The following WWOX variants were observed in gnomAD, a reference collection of about 807,000 sequenced individuals.
The protein encoded by WWOX is WW domain containing oxidoreductase.
Under a neutral mutation model 46.2 loss-of-function variants are expected in WWOX, and 69 were observed. The ratio of observed to expected loss-of-function variants is 1.49; its 90% CI spans 1.23 to 1.82. The LOEUF (loss-of-function observed/expected upper bound fraction) is 1.82, where lower values mean the gene tolerates loss of function less well. WWOX is among the 40% of genes most tolerant of loss of function. The probability of loss-of-function intolerance (pLI) is 0.00; values close to 1 mark genes in which losing one functional copy is unlikely to be tolerated. For missense variants in WWOX, 919 were observed against 542.6 expected (o/e 1.69, Z -6.89); for synonymous variants, 359 against 202.6 (o/e 1.77, Z -6.56).
chr16:78,859,037 T>A (rs2052649513), intron 8 of WWOX, among the ~76,000 whole-genome samples: 4 of 22,750 alleles, frequency 1.8e-4, no homozygotes, highest in African/African-American at 4.6e-4. Context: ...AATATATATA[T>A]ATATATATAT....
intron 5 of WWOX, among the ~76,000 whole-genome samples, chr16:78,374,449 T>G (rs1427642782): frequency 1.3e-5 from 2 of 151,816 alleles, no homozygotes; most frequent in Non-Finnish European, 2.9e-5. Context: ...CTACTCCAAA[T>G]GACGCACAAA....
intron 8 of WWOX, among the ~76,000 whole-genome samples, chr16:78,631,031 G>A (rs1055487011): frequency 2.6e-5 from 4 of 151,950 alleles, no homozygotes; most frequent in East Asian, 1.9e-4. Flanking sequence ...TATTTATATC[G>A]TGTTTATATT....
chr16:78,862,442 A>G (rs1019006913), intron 8 of WWOX, among the ~76,000 whole-genome samples: 1 of 151,870 alleles, frequency 6.6e-6, no homozygotes, highest in Non-Finnish European at 1.5e-5. Flanking sequence ...TATAATGTAT[A>G]TATATAGTAT....
intron 8 of WWOX, among the ~76,000 whole-genome samples, chr16:78,707,506 G>C (rs781771476): frequency 9.2e-5 from 14 of 152,182 alleles, no homozygotes; most frequent in Admixed American, 7.2e-4. Flanking sequence ...CTTTGGAAAA[G>C]TCTGTGCATC....
At chr16:79,090,871 G>T (rs998090426) in intron 8 of WWOX, among the ~76,000 whole-genome samples, 2 of 152,168 alleles carry the variant, frequency 1.3e-5, no homozygotes, top group African/African-American at 2.4e-5. Context: ...TCAGCTCACT[G>T]CAACCTTTGC....
intron 8 of WWOX, among the ~76,000 whole-genome samples, chr16:78,577,771 T>C (rs2044925481): frequency 6.6e-6 from 1 of 152,186 alleles, no homozygotes; most frequent in Non-Finnish European, 1.5e-5. Flanking sequence ...GGTGCCACTT[T>C]GCGAACGATC....
At chr16:79,022,473 A>T (rs2047553598) in intron 8 of WWOX, among the ~76,000 whole-genome samples, 1 of 150,656 alleles carries the variant, frequency 6.6e-6, no homozygotes, top group Admixed American at 6.6e-5. Flanking sequence ...GTGCCCTTTT[A>T]CAGCCTTTTC....
At chr16:78,364,766 G>A (rs1408561329) in intron 5 of WWOX, among the ~76,000 whole-genome samples, 1 of 152,196 alleles carries the variant, frequency 6.6e-6, no homozygotes, top group Non-Finnish European at 1.5e-5. Context: ...CCCTGTGTAT[G>A]TCTGCACTTC....
chr16:78,723,755 C>A (rs935754365), intron 8 of WWOX, among the ~76,000 whole-genome samples: 9 of 152,030 alleles, frequency 5.9e-5, no homozygotes, highest in Middle Eastern at 3.4e-3. Flanking sequence ...TTATTGCTTT[C>A]CCACCTCTGC....
chr16:78,104,451 C>A (rs983311152), intron 1 of WWOX, among the ~76,000 whole-genome samples: 2 of 152,108 alleles, frequency 1.3e-5, no homozygotes, highest in African/African-American at 4.8e-5. Flanking sequence ...CTGCAGTGGG[C>A]TATGATTGCA....
chr16:78,805,909 C>T (rs1395118195), intron 8 of WWOX, among the ~76,000 whole-genome samples: 1 of 152,134 alleles, frequency 6.6e-6, no homozygotes, highest in African/African-American at 2.4e-5. Context: ...ATGCCAGGAA[C>T]ATTTTTCTCA....
rs184676058 is a variant in WWOX, at chr16:78,503,145, G to T, written c.1056+70393G>T. On this transcript the variant is annotated intron_variant, in intron 8 of 8. Coordinates refer to ENST00000566780, the MANE Select transcript of WWOX (RefSeq NM_016373.4). ...CAAGCGATGTGTGTCTGGATTAAGA[G>T]AACCTGAGAATCTCTATTTATGTCT... Among the ~76,000 whole-genome samples the T allele has an allele frequency of 1.2e-4, 18 of 152,278 alleles. No individual in the cohort carries two copies. In the East Asian group the frequency reaches 3.3e-3, roughly 28 times the overall value.
At chr16:78,279,580 C>T (rs571260584) in intron 5 of WWOX, among the ~76,000 whole-genome samples, 2 of 152,124 alleles carry the variant, frequency 1.3e-5, no homozygotes, top group African/African-American at 4.8e-5. Context: ...TATATGGAAG[C>T]CTTCATTCCC....
At chr16:78,571,708 A>G (rs1047337373) in intron 8 of WWOX, among the ~76,000 whole-genome samples, 1 of 152,080 alleles carries the variant, frequency 6.6e-6, no homozygotes, top group Admixed American at 6.6e-5. Context: ...TTCTCTACTA[A>G]AAATAGAAAA....
At chr16:78,866,192 C>A (rs1023713082) in intron 8 of WWOX, among the ~76,000 whole-genome samples, 1 of 152,134 alleles carries the variant, frequency 6.6e-6, no homozygotes, top group Non-Finnish European at 1.5e-5. Flanking sequence ...TATGAAAACA[C>A]CGAAGAATCC....
chr16:78,466,733 A>G lies in WWOX; in HGVS notation c.1056+33981A>G, dbSNP rs565474825. Among the ~76,000 whole-genome samples, 7 of 152,284 alleles carry G rather than the reference A, an allele frequency of 4.6e-5. No homozygotes were observed. In the East Asian group the frequency reaches 1.2e-3, roughly 25 times the overall value. On this transcript the variant is annotated intron_variant, in intron 8 of 8. Coordinates refer to ENST00000566780, the MANE Select transcript of WWOX (RefSeq NM_016373.4). Reference sequence around the variant, plus strand: ...CTTGGCGCTGGGTTTCTGTAATCCCAGCTACTTAGGAGGCTGAGACAGGAG... The same window carrying G: ...CTTGGCGCTGGGTTTCTGTAATCCCGGCTACTTAGGAGGCTGAGACAGGAG...
intron 8 of WWOX, among the ~76,000 whole-genome samples, chr16:78,773,718 C>A (rs1402971491): frequency 6.6e-6 from 1 of 152,020 alleles, no homozygotes; most frequent in South Asian, 2.1e-4. Flanking sequence ...AACAAATAAC[C>A]CAAAATGAGG....
chr16:78,945,404 T>G (rs2045929679), intron 8 of WWOX, among the ~76,000 whole-genome samples: 1 of 152,230 alleles, frequency 6.6e-6, no homozygotes, highest in East Asian at 1.9e-4. Flanking sequence ...TTAGTTTTAA[T>G]GCATCTAAAG....
intron 8 of WWOX, among the ~76,000 whole-genome samples, chr16:78,937,998 G>C (rs535109594): frequency 4.4e-4 from 67 of 152,290 alleles, no homozygotes; most frequent in African/African-American, 1.6e-3. Flanking sequence ...AGTTCTCAAA[G>C]TCCTTGCCTA....
Sources: allele counts gnomAD v4.1 joint callset (sites outside exome capture counted in the v4.1 genomes callset), GRCh38; gene constraint gnomAD v4.1.1; transcripts MANE v1.5; gene names NCBI Gene and HGNC (gene_info 2026-07-23, HGNC 2026-07-21).